The following MC1R variants were observed in gnomAD, a reference collection of about 807,000 sequenced individuals.
MC1R encodes the protein melanocortin 1 receptor, also known as melanocyte-stimulating hormone receptor.
For missense variants in MC1R, 542 were observed against 430.0 expected, an observed-to-expected ratio of 1.26 and a Z score of -2.30; for synonymous variants, 263 against 203.8, an observed-to-expected ratio of 1.29 and a Z score of -2.47.
In MC1R at chr16:89,919,660, C is replaced by T. The variant is rs1347802429; in HGVS notation, c.402C>T (p.Phe134=). 2 of 1,606,582 alleles carry T rather than the reference C, an allele frequency of 1.2e-6. No homozygotes were observed. The highest frequency in any genetic ancestry group is 1.1e-5 in the South Asian group (1 of 91,082). The change falls in exon 1 of 1, where the codon TTC becomes TTT. Residue 134 remains phenylalanine, a synonymous_variant. Coordinates refer to ENST00000555147, the MANE Select transcript of MC1R (RefSeq NM_002386.4). The stretch of plus-strand genomic sequence containing the variant: ...GCTCCATGCTGTCCAGCCTCTGCTT[C>T]CTGGGCGCCATCGCCGTGGACCGCT... ...TCSSMLSSLC[F]LGAIAVDRYI...
chr16:89,919,082 T>C lies in MC1R; in HGVS notation c.-177T>C, dbSNP rs1030887619. The C allele has an allele frequency of 2.5e-5, 15 of 595,792 alleles. No homozygotes were observed. Among genetic ancestry groups the C allele is most frequent in the African/African-American group, 2.4e-4 (13 of 53,736 alleles). 36.9% of individuals were successfully genotyped at this position (595,792 alleles called of 1,614,324 possible). On this transcript the variant is annotated 5_prime_UTR_variant, in exon 1 of 1. Transcript: ENST00000555147. ...GCTGGGCCATGCCTGGGCTGACCTG[T>C]CCAGCCAGGGAGAGGGTGTGAGGGC...
rs200215218 is a variant in MC1R, at chr16:89,920,024, C to T, written c.766C>T (p.Pro256Ser). 213 of 1,613,616 alleles carry T rather than the reference C, an allele frequency of 1.3e-4. 1 individual carries two copies. The highest frequency in any genetic ancestry group is 1.3e-3 in the Middle Eastern group (8 of 6,084). Residue 256 changes from proline (P) to serine (S), a missense_variant, in exon 1 of 1, where the codon CCC becomes TCC. By Grantham distance (74) the Pro-to-Ser change is moderately conservative. Coordinates refer to ENST00000555147, the MANE Select transcript of MC1R (RefSeq NM_002386.4). ...GGGCATTTTCTTCCTCTGCTGGGGC[C>T]CCTTCTTCCTGCATCTCACACTCAT... ...LLGIFFLCWG[P>S]FFLHLTLIVL...
Position 89,920,052 on chromosome 16 carries a change from TCCTCTGC to T in MC1R, c.797_803del (p.Leu266ProfsTer46). The T allele has an allele frequency of 6.2e-7, 1 of 1,613,832 alleles. No individual in the cohort carries two copies. The highest frequency in any genetic ancestry group is 8.5e-7 in the Non-Finnish European group (1 of 1,179,884). Reference sequence around the variant, plus strand: ...TTCTTCCTGCATCTCACACTCATCGTCCTCTGCCCCGAGCACCCCACGTGCGGCTGCA... The same window carrying T: ...TTCTTCCTGCATCTCACACTCATCGTCCCGAGCACCCCACGTGCGGCTGCA... On this transcript the variant is annotated frameshift_variant, in exon 1 of 1. Coordinates refer to ENST00000555147, the MANE Select transcript of MC1R (RefSeq NM_002386.4). LOFTEE classifies it low-confidence loss of function (END_TRUNC).
rs1321639434 is a variant in MC1R, at chr16:89,919,156, A to G, written c.-103A>G. On this transcript the variant is annotated 5_prime_UTR_variant, in exon 1 of 1. Coordinates refer to ENST00000555147, the MANE Select transcript of MC1R (RefSeq NM_002386.4). ...AGGAGGCAGGCATGGGGGACACCCA[A>G]GGCCCCCTGGCAGCACCATGAACTA... is the stretch of plus-strand genomic sequence containing the variant. The G allele has an allele frequency of 1.7e-5, 14 of 803,788 alleles. No homozygotes were observed. The highest frequency in any genetic ancestry group is 6.7e-4 in the Middle Eastern group (2 of 2,988). 49.8% of individuals were successfully genotyped at this position (803,788 alleles called of 1,614,324 possible). A position where few individuals can be genotyped will look rare whatever the true frequency, so the allele number is the denominator to read the frequency against.
In MC1R at chr16:89,919,450, C is replaced by T; in HGVS notation, c.192C>T (p.Ala64=). 1.2e-6 allele frequency: 2 copies of T among 1,613,224 alleles called. No individual in the cohort carries two copies. The highest frequency in any genetic ancestry group is 1.7e-6 in the Non-Finnish European group (2 of 1,179,860). The change falls in exon 1 of 1, where the codon GCC becomes GCT. Residue 64 remains alanine (A), a synonymous_variant. Coordinates refer to ENST00000555147, the MANE Select transcript of MC1R (RefSeq NM_002386.4). ...ACGCGCTGGTGGTGGCCACCATCGC[C>T]AAGAACCGGAACCTGCACTCACCCA... ...VENALVVATI[A]KNRNLHSPMY...
rs376425491 is a variant in MC1R, at chr16:89,920,133, T to C, written c.875T>C (p.Ile292Thr). 2.5e-6 allele frequency: 4 copies of C among 1,613,660 alleles called. No individual in the cohort carries two copies. The highest frequency in any genetic ancestry group is 2.7e-5 in the African/African-American group (2 of 74,858). The change falls in exon 1 of 1, where the codon ATC becomes ACC. Residue 292 changes from isoleucine (I) to threonine (T), a missense_variant. Coordinates refer to ENST00000555147, the MANE Select transcript of MC1R (RefSeq NM_002386.4). ...CTCGCCCTCATCATCTGCAATGCCA[T>C]CATCGACCCCCTCATCTACGCCTTC... ...LFLALIICNA[I>T]IDPLIYAFHS... is the part of the protein sequence containing the mutation.
rs1453673433 is a variant in MC1R, at chr16:89,920,708, A to G, written c.*496A>G. ...GCTTTGTGACCAGAAAGCTTCATCC[A>G]CAGCCTTGCAGCGGCTCCTGCAAAA... On this transcript the variant is annotated 3_prime_UTR_variant, in exon 1 of 1. Coordinates refer to ENST00000555147, the MANE Select transcript of MC1R (RefSeq NM_002386.4). The G allele has an allele frequency of 1.4e-6, 1 of 716,980 alleles. No homozygotes were observed. The allele number at this position is 716,980 out of a possible 1,614,324, so 44.4% of individuals were successfully genotyped here.
chr16:89,920,943 C>G lies in MC1R; in HGVS notation c.*731C>G. The G allele has an allele frequency of 1.8e-6, 1 of 541,916 alleles. No homozygotes were observed. Among genetic ancestry groups the G allele is most frequent in the Non-Finnish European group, 3.3e-6 (1 of 299,050 alleles). The allele number at this position is 541,916 out of a possible 1,614,324, so 33.6% of individuals were successfully genotyped here. On this transcript the variant is annotated 3_prime_UTR_variant, in exon 1 of 1. Transcript: ENST00000555147. ...CCTGTGAGCATGGGGCCAGGAAAGT[C>G]TGGTAATAAATGTGACTCAGCATCA...
In MC1R at chr16:89,919,536, T is replaced by C. The variant is rs778843599; in HGVS notation, c.278T>C (p.Leu93Pro). 2.5e-6 allele frequency: 4 copies of C among 1,612,838 alleles called. No homozygotes were observed. In the South Asian group the frequency reaches 3.3e-5, roughly 13 times the overall value. The change falls in exon 1 of 1, where the codon CTG becomes CCG. Residue 93 changes from leucine to proline, a missense_variant. Transcript: ENST00000555147. ...SDLLVSGSNV[L>P]ETAVILLLEA... ...CTGCTGGTGAGCGGGAGCAACGTGC[T>C]GGAGACGGCCGTCATCCTCCTGCTG...
Position 89,919,988 on chromosome 16 carries a change from A to T in MC1R, c.730A>T (p.Thr244Ser), listed in dbSNP as rs769056179. The change falls in exon 1 of 1, where the codon ACC becomes TCC. Residue 244 changes from threonine to serine, a missense_variant. Coordinates refer to ENST00000555147, the MANE Select transcript of MC1R (RefSeq NM_002386.4). ...GFGLKGAVTLTILLGIFFLCW... is the reference protein window; with the variant it reads ...GFGLKGAVTLSILLGIFFLCW... ...TGGCCTTAAAGGCGCTGTCACCCTC[A>T]CCATCCTGCTGGGCATTTTCTTCCT... The T allele has an allele frequency of 1.9e-6, 3 of 1,613,122 alleles. No homozygotes were observed. Among genetic ancestry groups the T allele is most frequent in the Non-Finnish European group, 2.5e-6 (3 of 1,179,866 alleles).
At position 89,919,696 on chromosome 16, in the gene MC1R, C is replaced by G. The variant is rs757840076; in HGVS notation, c.438C>G (p.Ile146Met). Residue 146 changes from isoleucine to methionine, a missense_variant, in exon 1 of 1, where the codon ATC becomes ATG. Transcript: ENST00000555147. ...GAIAVDRYIS[I>M]FYALRYHSIV... Reference sequence around the variant, plus strand: ...TCGCCGTGGACCGCTACATCTCCATCTTCTACGCACTGCGCTACCACAGCA... The same window carrying G: ...TCGCCGTGGACCGCTACATCTCCATGTTCTACGCACTGCGCTACCACAGCA... 6.2e-7 allele frequency: 1 copy of G among 1,606,270 alleles called. No homozygotes were observed. The highest frequency in any genetic ancestry group is 1.1e-5 in the South Asian group (1 of 91,080).
Position 89,920,202 on chromosome 16 carries a change from G to C in MC1R, c.944G>C (p.Cys315Ser), listed in dbSNP as rs377248188. 2.7e-5 allele frequency: 44 copies of C among 1,613,416 alleles called. No individual in the cohort carries two copies. Among genetic ancestry groups the C allele is most frequent in the Non-Finnish European group, 3.4e-5 (40 of 1,179,452 alleles). Residue 315 changes from cysteine (C) to serine (S), a missense_variant, in exon 1 of 1, where the codon TGC (cysteine) becomes TCC (serine). Transcript: ENST00000555147. ...AGGACGCTCAAGGAGGTGCTGACAT[G>C]CTCCTGGTGAGCGCGGTGCACGCGG... ...LRRTLKEVLT[C>S]SW is the part of the protein sequence containing the mutation.
chr16:89,920,790 G>A lies in MC1R; in HGVS notation c.*578G>A, dbSNP rs911848874. On this transcript the variant is annotated 3_prime_UTR_variant, in exon 1 of 1. Coordinates refer to ENST00000555147, the MANE Select transcript of MC1R (RefSeq NM_002386.4). ...CCAGGTTTGCAGGAGCCCCCCTAGT[G>A]GTATGGGGCTGAGCCCTCCTGAGGG... is the stretch of plus-strand genomic sequence containing the variant. 8.8e-6 allele frequency: 6 copies of A among 679,864 alleles called. No individual in the cohort carries two copies. Among genetic ancestry groups the A allele is most frequent in the Non-Finnish European group, 1.6e-5 (6 of 367,244 alleles). 42.1% of individuals were successfully genotyped at this position (679,864 alleles called of 1,614,324 possible).
At position 89,919,942 on chromosome 16, in the gene MC1R, G is replaced by GC; in HGVS notation, c.685dup (p.Arg229ProfsTer10). On this transcript the variant is annotated frameshift_variant, in exon 1 of 1. Transcript: ENST00000555147. LOFTEE classifies it low-confidence loss of function (END_TRUNC). ...GCATCGCCCGGCTCCACAAGAGGCA[G>GC]CGCCCGGTCCACCAGGGCTTTGGCC... The GC allele has an allele frequency of 6.2e-7, 1 of 1,611,342 alleles. No homozygotes were observed.
rs942879043 is a variant in MC1R, at chr16:89,920,534, A to C, written c.*322A>C. On this transcript the variant is annotated 3_prime_UTR_variant, in exon 1 of 1. Transcript: ENST00000555147. ...GACATTTTCCGCCCACTCCTGGGAC[A>C]CTCCGTCTGCTCCAATGACTGAGCA... 1 of 626,058 alleles carries C rather than the reference A, an allele frequency of 1.6e-6. No individual in the cohort carries two copies. The highest frequency in any genetic ancestry group is 2.9e-6 in the Non-Finnish European group (1 of 343,622). The allele number at this position is 626,058 out of a possible 1,614,324, so 38.8% of individuals were successfully genotyped here.
In MC1R at chr16:89,918,922, G is replaced by A. The variant is rs937854604; in HGVS notation, c.-337G>A. The A allele has an allele frequency of 8.8e-6, 3 of 340,634 alleles. No individual in the cohort carries two copies. Among genetic ancestry groups the A allele is most frequent in the Non-Finnish European group, 1.6e-5 (3 of 184,666 alleles). 21.1% of individuals were successfully genotyped at this position (340,634 alleles called of 1,614,324 possible). ...GAAGGCAGGAGACAGAGGCCAGGAC[G>A]GTCCAGAGGTGTCGAAATGTCCTGG... is the stretch of plus-strand genomic sequence containing the variant. On this transcript the variant is annotated 5_prime_UTR_variant, in exon 1 of 1. Coordinates refer to ENST00000555147, the MANE Select transcript of MC1R (RefSeq NM_002386.4).
Position 89,919,102 on chromosome 16 carries a change from G to T in MC1R, c.-157G>T, listed in dbSNP as rs890558958. ...ACCTGTCCAGCCAGGGAGAGGGTGT[G>T]AGGGCAGATCTGGGGGTGCCCAGAT... On this transcript the variant is annotated 5_prime_UTR_variant, in exon 1 of 1. It removes the in-frame stop codon of an upstream open reading frame in the 5' UTR. Coordinates refer to ENST00000555147, the MANE Select transcript of MC1R (RefSeq NM_002386.4). 1 of 610,160 alleles carries T rather than the reference G, an allele frequency of 1.6e-6. No homozygotes were observed. Among genetic ancestry groups the T allele is most frequent in the Non-Finnish European group, 2.9e-6 (1 of 345,860 alleles). 37.8% of individuals were successfully genotyped at this position (610,160 alleles called of 1,614,324 possible).
At position 89,920,420 on chromosome 16, in the gene MC1R, C is replaced by T; in HGVS notation, c.*208C>T. 4 of 622,154 alleles carry T rather than the reference C, an allele frequency of 6.4e-6. No homozygotes were observed. In the Admixed American group the frequency reaches 1.2e-4, roughly 18 times the overall value. 38.5% of individuals were successfully genotyped at this position (622,154 alleles called of 1,614,324 possible). A position where few individuals can be genotyped will look rare whatever the true frequency, so the allele number is the denominator to read the frequency against. Reference sequence around the variant, plus strand: ...GCAAAACTCCAGGCAGGACTTCTCACCAGCAGTCGTGGGGAACGGAGGAGG... The same window carrying T: ...GCAAAACTCCAGGCAGGACTTCTCATCAGCAGTCGTGGGGAACGGAGGAGG... On this transcript the variant is annotated 3_prime_UTR_variant, in exon 1 of 1. Coordinates refer to ENST00000555147, the MANE Select transcript of MC1R (RefSeq NM_002386.4).
At position 89,919,631 on chromosome 16, in the gene MC1R, T is replaced by G. The variant is rs1451056250; in HGVS notation, c.373T>G (p.Cys125Gly). 1 of 1,606,994 alleles carries G rather than the reference T, an allele frequency of 6.2e-7. No homozygotes were observed. Among genetic ancestry groups the G allele is most frequent in the African/African-American group, 1.3e-5 (1 of 74,924 alleles). Residue 125 changes from cysteine (C) to glycine (G), a missense_variant, in exon 1 of 1, where the codon TGC (cysteine) becomes GGC (glycine). By Grantham distance (159) the Cys-to-Gly change is radical. Coordinates refer to ENST00000555147, the MANE Select transcript of MC1R (RefSeq NM_002386.4). ...GGACAATGTCATTGACGTGATCACC[T>G]GCAGCTCCATGCTGTCCAGCCTCTG... ...QLDNVIDVIT[C>G]SSMLSSLCFL... is the part of the protein sequence containing the mutation.
Sources: allele counts gnomAD v4.1 joint callset, GRCh38; gene constraint gnomAD v4.1.1; transcripts MANE v1.5; gene names NCBI Gene and HGNC (gene_info 2026-07-23, HGNC 2026-07-21).